TMEM178A: variants seen among roughly 807,000 people sequenced by gnomAD.
The protein encoded by TMEM178A is transmembrane protein 178.
Under a neutral mutation model 29.1 loss-of-function variants are expected in TMEM178A, and 12 were observed. The observed-to-expected ratio is 0.41, with a 90% CI of 0.26 to 0.67. The LOEUF (loss-of-function observed/expected upper bound fraction) is 0.67, where lower values mean the gene tolerates loss of function less well. Ranked by LOEUF, TMEM178A falls within the 30% of genes least tolerant of loss-of-function variation. The pLI, the probability that TMEM178A is intolerant of heterozygous loss-of-function variation, is 0.29. For synonymous variants in TMEM178A, 210 were observed against 187.2 expected (o/e 1.12, Z -0.99); for missense variants, 366 against 419.1 (o/e 0.87, Z 1.11).
chr2:39,726,660 G>A, the TMEM178A span, among the ~76,000 whole-genome samples: 1 of 152,154 alleles, frequency 6.6e-6, no homozygotes, highest in Non-Finnish European at 1.5e-5. Flanking sequence ...GGGCGTTTAG[G>A]TCTATCTGGC....
chr2:39,684,057 G>A (rs1670973762), intron 1 of TMEM178A, among the ~76,000 whole-genome samples: 1 of 152,208 alleles, frequency 6.6e-6, no homozygotes, highest in African/African-American at 2.4e-5. Flanking sequence ...GCTGAAGAGT[G>A]CATGCATCTA....
At chr2:39,718,276 C>T (rs1414127057), downstream of TMEM178A, among the ~76,000 whole-genome samples, 1 of 152,114 alleles carries the variant, frequency 6.6e-6, no homozygotes, top group Non-Finnish European at 1.5e-5. Context: ...TGTATCCAGT[C>T]ATAAGGATAC....
chr2:39,714,968 C>G (rs892108407), intron 3 of TMEM178A, among the ~76,000 whole-genome samples: 3 of 152,134 alleles, frequency 2.0e-5, no homozygotes, highest in African/African-American at 7.2e-5. Flanking sequence ...AGAAATTTGA[C>G]ACTCTTAGGG....
chr2:39,685,634 A>G (rs1369205883), intron 1 of TMEM178A, among the ~76,000 whole-genome samples: 2 of 152,224 alleles, frequency 1.3e-5, no homozygotes, highest in African/African-American at 2.4e-5. Context: ...CAAGTAAGGT[A>G]AGGCAGGAAG....
intron 1 of TMEM178A, among the ~76,000 whole-genome samples, chr2:39,698,752 A>G (rs892822457): frequency 2.6e-5 from 4 of 151,246 alleles, no homozygotes; most frequent in African/African-American, 9.7e-5. Flanking sequence ...TTCCTTAAAC[A>G]TTTGGTTAAA....
intron 2 of TMEM178A, 48 bp downstream of exon 2, chr2:39,704,242 A>G: frequency 1.3e-6 from 2 of 1,528,758 alleles, no homozygotes; most frequent in Non-Finnish European, 1.8e-6. Flanking sequence ...GTCATTCTGA[A>G]CAAAATTCCC....
At chr2:39,706,343 A>G (rs944279195) in intron 2 of TMEM178A, among the ~76,000 whole-genome samples, 3 of 152,202 alleles carry the variant, frequency 2.0e-5, no homozygotes, top group East Asian at 3.9e-4. Flanking sequence ...TGTGGGATCT[A>G]TGCTTTAGGG....
At chr2:39,675,413 G>A (rs996458762) in intron 1 of TMEM178A, among the ~76,000 whole-genome samples, 1 of 109,476 alleles carries the variant, frequency 9.1e-6, no homozygotes, top group Non-Finnish European at 1.8e-5. Context: ...GGTTATAAAA[G>A]GGCAGTTTTG....
At chr2:39,715,744 C>T (rs1014892360) in intron 3 of TMEM178A, among the ~76,000 whole-genome samples, 2 of 152,176 alleles carry the variant, frequency 1.3e-5, no homozygotes, top group African/African-American at 2.4e-5. Context: ...GCAACGTGCT[C>T]TTACATGATT....
chr2:39,679,476 ATC>A lies in TMEM178A; in HGVS notation c.400+13103_400+13104del, dbSNP rs1293072618. Among the ~76,000 whole-genome samples, 120 of 152,334 alleles carry A rather than the reference ATC, an allele frequency of 7.9e-4. 4 individuals are homozygous for A. In the East Asian group the frequency reaches 0.021, roughly 27 times the overall value. On this transcript the variant is annotated intron_variant, in intron 1 of 3. Coordinates refer to ENST00000281961, the MANE Select transcript of TMEM178A (RefSeq NM_152390.3). ...CTTTTTTTTGAAGTATTCAAAAAAAATCAGTGTATAACTAACAAAGAGTGCAT... is the reference window on the plus strand; with the variant it reads ...CTTTTTTTTGAAGTATTCAAAAAAAAAGTGTATAACTAACAAAGAGTGCAT...
chr2:39,673,892 G>A (rs1670504700), intron 1 of TMEM178A, among the ~76,000 whole-genome samples: 1 of 152,038 alleles, frequency 6.6e-6, no homozygotes, highest in Non-Finnish European at 1.5e-5. Context: ...TTTTTAAACA[G>A]GAGGCTGTTT....
At chr2:39,720,900 C>G (rs966339514), downstream of TMEM178A, among the ~76,000 whole-genome samples, 1 of 152,194 alleles carries the variant, frequency 6.6e-6, no homozygotes, top group South Asian at 2.1e-4. Flanking sequence ...TTAACCCAAA[C>G]CAACCTAGAC....
chr2:39,672,531 A>AT (rs201745550), intron 1 of TMEM178A, among the ~76,000 whole-genome samples: 2,929 of 151,702 alleles, frequency 0.019, 62 homozygotes, highest in East Asian at 0.074. Context: ...TTCTTTTTTC[A>AT]TTTTTTTTGA....
At chr2:39,681,754 A>G (rs1384199601) in intron 1 of TMEM178A, among the ~76,000 whole-genome samples, 1 of 152,230 alleles carries the variant, frequency 6.6e-6, no homozygotes, top group Admixed American at 6.5e-5. Flanking sequence ...GGAATAAAAG[A>G]AAAAGCACCT....
intron 1 of TMEM178A, among the ~76,000 whole-genome samples, chr2:39,667,312 T>C (rs955496303): frequency 3.3e-5 from 5 of 150,762 alleles, no homozygotes; most frequent in Admixed American, 6.6e-5. Context: ...ACCTGTCTTC[T>C]GTGAATGCTA....
chr2:39,720,595 A>C (rs1672684027), downstream of TMEM178A, among the ~76,000 whole-genome samples: 2 of 152,184 alleles, frequency 1.3e-5, no homozygotes, highest in Admixed American at 6.5e-5. Context: ...CCGCACATGA[A>C]TTGCCTGGCA....
chr2:39,720,614 C>G (rs907568428), downstream of TMEM178A, among the ~76,000 whole-genome samples: 8 of 152,220 alleles, frequency 5.3e-5, no homozygotes, highest in Non-Finnish European at 8.8e-5. Flanking sequence ...CAACCCATAA[C>G]CAGATCATAG....
chr2:39,711,233 G>A (rs1011629366), intron 3 of TMEM178A, among the ~76,000 whole-genome samples: 1 of 152,218 alleles, frequency 6.6e-6, no homozygotes, highest in Non-Finnish European at 1.5e-5. Context: ...TCAGTGTACT[G>A]TGAATGAATA....
At chr2:39,705,706 C>T (rs147830628) in intron 2 of TMEM178A, among the ~76,000 whole-genome samples, 2 of 152,270 alleles carry the variant, frequency 1.3e-5, no homozygotes, top group African/African-American at 2.4e-5. Context: ...TACTGTAATC[C>T]ATCCTCCATG....
Sources: gnomAD v4.1 joint callset for allele counts (sites outside exome capture counted in the v4.1 genomes callset) on GRCh38, gnomAD v4.1.1 for gene constraint, MANE v1.5 for transcripts, NCBI Gene and HGNC (gene_info 2026-07-23, HGNC 2026-07-21) for gene names.